RASSF6: variants seen among roughly 807,000 people sequenced by gnomAD.
RASSF6 encodes Ras association domain family member 6.
A neutral mutation model predicts 44.0 loss-of-function variants in RASSF6; 52 were observed. The ratio of observed to expected loss-of-function variants is 1.18; its 90% confidence interval spans 0.95 to 1.49. The LOEUF (loss-of-function observed/expected upper bound fraction) is 1.49, where lower values mean the gene tolerates loss of function less well. Among genes scored for constraint, RASSF6 ranks in the 40% most tolerant of loss-of-function variants. The pLI is 0.00. For synonymous variants in RASSF6, 162 were observed against 124.6 expected (o/e 1.30, Z -2.00); for missense variants, 464 against 393.3 (o/e 1.18, Z -1.52).
chr4:73,588,961 T>C (rs537165529), intron 4 of RASSF6, among the ~76,000 whole-genome samples: 172 of 152,198 alleles, frequency 1.1e-3, no homozygotes, highest in African/African-American at 4.0e-3. Flanking sequence ...TAAAATATAT[T>C]CACTTATAGG....
intron 4 of RASSF6, among the ~76,000 whole-genome samples, chr4:73,590,891 G>A (rs1379416324): frequency 6.6e-6 from 1 of 152,160 alleles, no homozygotes; most frequent in East Asian, 1.9e-4. Flanking sequence ...TTGCTTCACA[G>A]CAATGTACTA....
intron 2 of RASSF6, chr4:73,603,985 A>G (rs142051441): frequency 6.8e-4 from 103 of 152,336 alleles, no homozygotes; most frequent in African/African-American, 2.4e-3. Context: ...AGGACAAAGC[A>G]TAAATATTGT....
intron 1 of RASSF6, among the ~76,000 whole-genome samples, chr4:73,612,573 T>A (rs1284232758): frequency 6.6e-6 from 1 of 151,576 alleles, no homozygotes; most frequent in Non-Finnish European, 1.5e-5. Context: ...TTGGGTAAGA[T>A]GAATAAAAAT....
rs1560436706 is a variant in RASSF6 at position 73,576,700 on chromosome 4, CGGAAT to C, written c.748_752del (p.Ile250AlafsTer11). The C allele has an allele frequency of 6.2e-7, 1 of 1,612,468 alleles. No individual in the cohort carries two copies. The highest frequency in any genetic ancestry group is 1.1e-5 in the South Asian group (1 of 90,894). On this transcript the variant is annotated frameshift_variant, in exon 9 of 11. Transcript: ENST00000307439. LOFTEE classifies it high-confidence loss of function. ...GTCCCTGTAGGAGCCTCTGCAGTAG[CGGAAT>C]GTCTGTCTTCTTTAGTCGTCTTTGT...
In RASSF6 at chr4:73,575,384, G is replaced by A. The variant is rs1723143623; in HGVS notation, c.*851C>T. 2 of 151,834 alleles carry A rather than the reference G, an allele frequency of 1.3e-5. No individual in the cohort carries two copies. Among genetic ancestry groups the A allele is most frequent in the Admixed American group, 1.3e-4 (2 of 15,238 alleles). 9.4% of individuals were successfully genotyped at this position (151,834 alleles called of 1,614,324 possible). A position where few individuals can be genotyped will look rare whatever the true frequency, so the allele number is the denominator to read the frequency against. On this transcript the variant is annotated 3_prime_UTR_variant, in exon 11 of 11. Coordinates refer to ENST00000307439, the MANE Select transcript of RASSF6 (RefSeq NM_177532.5). ...ATAAGATGCTAAGAGGGCAGAGTTT[G>A]GGATTCCCTATGTAACTTCAGCTAC... is the stretch of plus-strand genomic sequence containing the variant.
chr4:73,620,495 G>T, upstream of RASSF6: 1 of 1,545,790 alleles, frequency 6.5e-7, no homozygotes. Flanking sequence ...TCTCCTCCCA[G>T]AGCATGGCTC....
chr4:73,584,516 T>G (rs1385645570), intron 6 of RASSF6, among the ~76,000 whole-genome samples: 1 of 152,198 alleles, frequency 6.6e-6, no homozygotes, highest in African/African-American at 2.4e-5. Flanking sequence ...GAATTGTATC[T>G]AAACTACAAC....
chr4:73,606,274 T>G (rs1380229808), intron 2 of RASSF6, among the ~76,000 whole-genome samples: 2 of 152,224 alleles, frequency 1.3e-5, no homozygotes, highest in Non-Finnish European at 2.9e-5. Flanking sequence ...GCAATATGGA[T>G]GCAGCCGGAG....
Position 73,611,817 on chromosome 4 carries a change from G to A in RASSF6, c.-22C>T, listed in dbSNP as rs773796005. 4 of 1,600,750 alleles carry A rather than the reference G, an allele frequency of 2.5e-6. No individual in the cohort carries two copies. Among genetic ancestry groups the A allele is most frequent in the Non-Finnish European group, 3.4e-6 (4 of 1,168,662 alleles). On this transcript the variant is annotated 5_prime_UTR_variant, in exon 2 of 11. Coordinates refer to ENST00000307439, the MANE Select transcript of RASSF6 (RefSeq NM_177532.5). ...TCATCTTTTCCTCCTTTTTGAGATG[G>A]TCTGAGGATATCCTAAACATGAGAA... is the stretch of plus-strand genomic sequence containing the variant.
At chr4:73,588,783 G>GTTATCATCATCA (rs1724296819) in intron 4 of RASSF6, among the ~76,000 whole-genome samples, 1 of 148,592 alleles carries the variant, frequency 6.7e-6, no homozygotes, top group Admixed American at 6.8e-5. Flanking sequence ...CATCTCCATT[G>GTTATCATCATCA]TCATCATCAT....
At chr4:73,583,047 C>T (rs555469818) in intron 6 of RASSF6, among the ~76,000 whole-genome samples, 11 of 151,978 alleles carry the variant, frequency 7.2e-5, no homozygotes, top group South Asian at 2.1e-4. Flanking sequence ...GTTCATCCTG[C>T]GCTAAGGTGA....
intron 2 of RASSF6, among the ~76,000 whole-genome samples, chr4:73,607,033 T>G (rs1725688901): frequency 6.6e-6 from 1 of 152,132 alleles, no homozygotes; most frequent in Non-Finnish European, 1.5e-5. Flanking sequence ...GACTTTGTTC[T>G]TCAGTAATGC....
In RASSF6 at chr4:73,594,449, A is replaced by G. The variant is rs576241748; in HGVS notation, c.145-856T>C. Among the ~76,000 whole-genome samples the G allele has an allele frequency of 3.3e-5, 5 of 152,338 alleles. No homozygotes were observed. In the East Asian group the frequency reaches 9.6e-4, roughly 29 times the overall value. Reference sequence around the variant, plus strand: ...AACTCCAGACTCTGGAATCAGACAGACCTGTGCTCAAACCCTGGCTCTGCC... The same window carrying G: ...AACTCCAGACTCTGGAATCAGACAGGCCTGTGCTCAAACCCTGGCTCTGCC... On this transcript the variant is annotated intron_variant, in intron 3 of 10. Coordinates refer to ENST00000307439, the MANE Select transcript of RASSF6 (RefSeq NM_177532.5).
intron 2 of RASSF6, among the ~76,000 whole-genome samples, chr4:73,599,758 C>G (rs1725161090): frequency 2.0e-5 from 3 of 152,156 alleles, no homozygotes; most frequent in African/African-American, 7.2e-5. Flanking sequence ...GCAAACCTGA[C>G]CATCTCTCCT....
chr4:73,585,404 C>G, intron 5 of RASSF6, 40 bp from the exon 6 acceptor site: 1 of 1,393,960 alleles, frequency 7.2e-7, no homozygotes, highest in African/African-American at 1.4e-5. Flanking sequence ...ATTCAGCTGC[C>G]TGTGTCCTAG....
Position 73,573,306 on chromosome 4 carries a change from T to C in RASSF6, c.*2929A>G, listed in dbSNP as rs987905475. 6.6e-6 allele frequency: 1 copy of C among 152,162 alleles called. No individual in the cohort carries two copies. 9.4% of individuals were successfully genotyped at this position (152,162 alleles called of 1,614,324 possible). A position where few individuals can be genotyped will look rare whatever the true frequency, so the allele number is the denominator to read the frequency against. Reference sequence around the variant, plus strand: ...TGCACCCGGCTCATTTTTTGTATTTTTAGTAGAGGCAGGGTTTCACCATGT... The same window carrying C: ...TGCACCCGGCTCATTTTTTGTATTTCTAGTAGAGGCAGGGTTTCACCATGT... On this transcript the variant is annotated 3_prime_UTR_variant, in exon 11 of 11. Coordinates refer to ENST00000307439, the MANE Select transcript of RASSF6 (RefSeq NM_177532.5).
At chr4:73,593,084 C>T (rs953728929) in intron 4 of RASSF6, among the ~76,000 whole-genome samples, 5 of 150,470 alleles carry the variant, frequency 3.3e-5, no homozygotes, top group African/African-American at 7.4e-5. Flanking sequence ...GGCGCAATCT[C>T]GGCTCACTGC....
chr4:73,600,480 T>C (rs1381960591), intron 2 of RASSF6, among the ~76,000 whole-genome samples: 2 of 152,180 alleles, frequency 1.3e-5, no homozygotes, highest in Admixed American at 6.5e-5. Flanking sequence ...CTCTGTCTCA[T>C]AAGAAAATGA....
chr4:73,615,330 T>A (rs1578069990), intron 1 of RASSF6, among the ~76,000 whole-genome samples: 1 of 145,516 alleles, frequency 6.9e-6, no homozygotes, highest in African/African-American at 2.6e-5. Context: ...AGGGCCCTTG[T>A]GAAAATCTCC....
Sources: gnomAD v4.1 joint callset for allele counts (sites outside exome capture counted in the v4.1 genomes callset) on GRCh38, gnomAD v4.1.1 for gene constraint, MANE v1.5 for transcripts, NCBI Gene and HGNC (gene_info 2026-07-23, HGNC 2026-07-21) for gene names.